ZNF273: variants seen among roughly 807,000 people sequenced by gnomAD.
ZNF273 encodes the protein zinc finger protein 273.
Under a neutral mutation model 14.9 loss-of-function variants are expected in ZNF273, and 11 were observed. That is an observed-to-expected ratio of 0.74 (90% CI 0.46 to 1.22). The LOEUF (loss-of-function observed/expected upper bound fraction) is 1.22. Among genes scored for constraint, ZNF273 ranks in the 50% most tolerant of loss-of-function variants. ZNF273 has a pLI of 0.00. For missense variants in ZNF273, 577 were observed against 660.6 expected, an observed-to-expected ratio of 0.87 and a Z score of 1.39; for synonymous variants, 199 against 223.9, an observed-to-expected ratio of 0.89 and a Z score of 0.99.
chr7:64,896,034 G>A (rs1032659970), intron 3 of ZNF273, among the ~76,000 whole-genome samples: 3 of 149,514 alleles, frequency 2.0e-5, no homozygotes, highest in African/African-American at 2.5e-5. Context: ...TTTTTGAGAC[G>A]GAGTCTCACT....
chr7:64,889,464 TGC>T (rs1791828277), downstream of ZNF273: 1 of 985,916 alleles, frequency 1.0e-6, no homozygotes, highest in Non-Finnish European at 1.2e-6. The surrounding 1 kb of genome is among the most constrained non-coding windows in gnomAD (Gnocchi z 4.2). Flanking sequence ...TTCCTGGGGC[TGC>T]GTCCCCGCGG....
At chr7:64,910,704 G>C (rs1461749729) in intron 1 of ZNF273, among the ~76,000 whole-genome samples, 1 of 143,944 alleles carries the variant, frequency 6.9e-6, no homozygotes, top group African/African-American at 2.5e-5. Flanking sequence ...TTTTAAAATA[G>C]TTTTTTTTTC....
chr7:64,935,954 A>C (rs1795055909), downstream of ZNF273, among the ~76,000 whole-genome samples: 1 of 152,226 alleles, frequency 6.6e-6, no homozygotes, highest in Admixed American at 6.5e-5. Flanking sequence ...TGACCAGATT[A>C]CTAAAAAGAA....
chr7:64,894,973 CAA>C (rs34032021), intron 3 of ZNF273, among the ~76,000 whole-genome samples: 78 of 144,298 alleles, frequency 5.4e-4, no homozygotes, highest in Admixed American at 7.7e-4. Context: ...ACTAAAAATA[CAA>C]AAAAAAAAAA....
intron 3 of ZNF273, chr7:64,923,499 G>T (rs1370714985): frequency 2.6e-6 from 1 of 389,528 alleles, no homozygotes; most frequent in Non-Finnish European, 5.0e-6. Flanking sequence ...GTGCCATCAT[G>T]CCCGGCTAAT....
intron 1 of ZNF273, among the ~76,000 whole-genome samples, chr7:64,903,881 G>GGA (rs1483402967): frequency 6.6e-6 from 1 of 152,198 alleles, no homozygotes; most frequent in Non-Finnish European, 1.5e-5. Context: ...GTGGTCCATG[G>GGA]GAAGGGCTTG....
At chr7:64,911,451 C>T (rs1364484774) in intron 1 of ZNF273, among the ~76,000 whole-genome samples, 1 of 151,772 alleles carries the variant, frequency 6.6e-6, no homozygotes, top group Non-Finnish European at 1.5e-5. Flanking sequence ...TTAGTGGAGA[C>T]AGGGTTTCTC....
upstream of ZNF273, among the ~76,000 whole-genome samples, chr7:64,899,765 T>G (rs532645071): frequency 2.6e-5 from 4 of 151,924 alleles, no homozygotes; most frequent in East Asian, 7.7e-4. Context: ...TTCAAGGTTT[T>G]TTTTTTTTTT....
upstream of ZNF273, among the ~76,000 whole-genome samples, chr7:64,899,362 A>G (rs1354160560): frequency 6.6e-6 from 1 of 152,258 alleles, no homozygotes; most frequent in African/African-American, 2.4e-5. Flanking sequence ...TTATGCCTTC[A>G]GGAAATATTA....
chr7:64,894,157 A>G (rs993272931), downstream of ZNF273, among the ~76,000 whole-genome samples: 2 of 151,972 alleles, frequency 1.3e-5, no homozygotes, highest in Non-Finnish European at 2.9e-5. Flanking sequence ...GGCGCGTGCC[A>G]CTACACCTGG....
intron 2 of ZNF273, chr7:64,878,523 T>G (rs1178570307): frequency 1.3e-5 from 2 of 152,296 alleles, no homozygotes; most frequent in African/African-American, 4.8e-5. Context: ...TGAGGTGTGG[T>G]TGGGATCCCG....
intron 1 of ZNF273, 32 bp downstream of exon 1, chr7:64,903,451 G>A (rs141519570): frequency 0.012 from 19,132 of 1,584,742 alleles, 132 homozygotes; most frequent in Non-Finnish European, 0.015. Context: ...TCCCGAGAGA[G>A]GGGGAGGGCC....
intron 1 of ZNF273, among the ~76,000 whole-genome samples, chr7:64,885,225 C>A (rs1219078605): frequency 6.6e-6 from 1 of 152,210 alleles, no homozygotes; most frequent in African/African-American, 2.4e-5. Context: ...CCTTAGGAAT[C>A]GTCAACAGTG....
downstream of ZNF273, among the ~76,000 whole-genome samples, chr7:64,881,286 A>G (rs1352468714): frequency 6.6e-6 from 1 of 152,060 alleles, no homozygotes; most frequent in Non-Finnish European, 1.5e-5. Flanking sequence ...TCTTTTCCTG[A>G]CTTCCATGTT....
At position 64,903,407 on chromosome 7, in the gene ZNF273, A is replaced by G. The variant is rs1792868532; in HGVS notation, c.90A>G (p.Gly30=). 1 of 1,612,836 alleles carries G rather than the reference A, an allele frequency of 6.2e-7. No individual in the cohort carries two copies. Among genetic ancestry groups the G allele is most frequent in the Non-Finnish European group, 8.5e-7 (1 of 1,179,062 alleles). The change falls in exon 1 of 4, where the codon GGA becomes GGG. Residue 30 remains glycine (G), a synonymous_variant. Transcript: ENST00000476120. The part of the protein sequence containing the change: ...RSTAKTPGLP[G]SLEMGPLTFR... Reference sequence around the variant, plus strand: ...CAGCTAAGACGCCAGGACTCCCTGGAAGCCTAGAAATGGTGAGAGTGCCGG... The same window carrying G: ...CAGCTAAGACGCCAGGACTCCCTGGGAGCCTAGAAATGGTGAGAGTGCCGG...
intron 3 of ZNF273, among the ~76,000 whole-genome samples, chr7:64,922,037 A>G (rs571440537): frequency 2.6e-5 from 4 of 151,218 alleles, no homozygotes; most frequent in Non-Finnish European, 5.9e-5. Context: ...CTTTCAGCCT[A>G]TTTGACTCAA....
downstream of ZNF273, chr7:64,889,326 C>G (rs1791815117): frequency 6.2e-6 from 6 of 962,036 alleles, no homozygotes; most frequent in Non-Finnish European, 6.2e-6. This position sits in a 1 kb window ranked among gnomAD's most constrained non-coding sequence, Gnocchi z 4.2. Context: ...CCGTACCCAC[C>G]GCGTCCCCTC....
At chr7:64,934,793 T>C (rs1305033859), downstream of ZNF273, among the ~76,000 whole-genome samples, 30 of 152,130 alleles carry the variant, frequency 2.0e-4, 1 homozygote, top group Non-Finnish European at 4.4e-5. Flanking sequence ...CAGGATCTTT[T>C]GTGGGGTATC....
chr7:64,880,827 G>A (rs879644676), downstream of ZNF273, among the ~76,000 whole-genome samples: 3 of 152,130 alleles, frequency 2.0e-5, no homozygotes, highest in Non-Finnish European at 4.4e-5. Flanking sequence ...CCCAGGGCCA[G>A]ACCCCAGCAG....
Sources: allele counts gnomAD v4.1 joint callset (sites outside exome capture counted in the v4.1 genomes callset), GRCh38; gene constraint gnomAD v4.1.1; non-coding constraint Gnocchi (gnomAD v3.1); transcripts MANE v1.5; gene names NCBI Gene and HGNC (gene_info 2026-07-23, HGNC 2026-07-21).